Variants in XKR9 observed in about 807,000 individuals in gnomAD.
XKR9 encodes the protein XK-related protein 9.
XKR9 carries 32 observed loss-of-function variants against 32.0 expected under a neutral mutation model. The observed-to-expected ratio is 1.00, with a 90% confidence interval of 0.76 to 1.34. The LOEUF (loss-of-function observed/expected upper bound fraction) is 1.34. XKR9 is among the 40% of genes most tolerant of loss of function. The probability of loss-of-function intolerance (pLI) is 0.00; values close to 1 mark genes in which losing one functional copy is unlikely to be tolerated. For synonymous variants in XKR9, 168 were observed against 143.4 expected, an observed-to-expected ratio of 1.17 and a Z score of -1.22; for missense variants, 546 against 429.7, an observed-to-expected ratio of 1.27 and a Z score of -2.39.
the XKR9 span, among the ~76,000 whole-genome samples, chr8:70,802,372 A>G: frequency 3.1e-3 from 467 of 152,228 alleles, 3 homozygotes; most frequent in African/African-American, 0.011. Flanking sequence ...TATAAGTGTC[A>G]CTGCATGTGG....
intron 2 of XKR9, among the ~76,000 whole-genome samples, chr8:70,788,530 TG>T (rs112197088): frequency 0.32 from 48,342 of 151,924 alleles, 9,034 homozygotes; most frequent in Non-Finnish European, 0.43. Flanking sequence ...CCAGCGCAGA[TG>T]TTCATAAATT....
the XKR9 span, among the ~76,000 whole-genome samples, chr8:70,957,100 G>A: frequency 2.0e-5 from 3 of 152,196 alleles, no homozygotes; most frequent in Non-Finnish European, 2.9e-5. Context: ...CAGTTCCTTC[G>A]GCAATATTTA....
At chr8:70,918,653 A>C in the XKR9 span, among the ~76,000 whole-genome samples, 2 of 151,738 alleles carry the variant, frequency 1.3e-5, no homozygotes, top group Non-Finnish European at 2.9e-5. Context: ...AGATCATGCC[A>C]CTGCACTCCA....
chr8:70,906,517 G>A, the XKR9 span, among the ~76,000 whole-genome samples: 1,691 of 152,286 alleles, frequency 0.011, 29 homozygotes, highest in African/African-American at 0.037. Flanking sequence ...TGTGGTTGCC[G>A]AGGCTGGGCT....
chr8:71,056,125 G>A, the XKR9 span, among the ~76,000 whole-genome samples: 1 of 152,182 alleles, frequency 6.6e-6, no homozygotes, highest in Non-Finnish European at 1.5e-5. Context: ...TATGGAAGTA[G>A]AGCCCCTTAG....
chr8:70,846,617 CTA>C, the XKR9 span, among the ~76,000 whole-genome samples: 1 of 151,950 alleles, frequency 6.6e-6, no homozygotes, highest in Non-Finnish European at 1.5e-5. Flanking sequence ...CATGACCTGA[CTA>C]TATGATGCCT....
chr8:70,898,645 G>C, the XKR9 span, among the ~76,000 whole-genome samples: 1 of 152,076 alleles, frequency 6.6e-6, no homozygotes. Context: ...ATATATTTCT[G>C]TTATTAATAT....
the XKR9 span, among the ~76,000 whole-genome samples, chr8:70,988,822 C>G: frequency 1.2e-4 from 19 of 152,260 alleles, no homozygotes; most frequent in South Asian, 2.1e-3. Context: ...ATGAATCCCT[C>G]CTCATCCCTC....
chr8:70,900,010 G>A, the XKR9 span, among the ~76,000 whole-genome samples: 1 of 152,004 alleles, frequency 6.6e-6, no homozygotes, highest in Non-Finnish European at 1.5e-5. Flanking sequence ...TATGAACAGT[G>A]CCTGAGAATG....
the XKR9 span, among the ~76,000 whole-genome samples, chr8:71,018,234 A>G: frequency 6.6e-6 from 1 of 152,230 alleles, no homozygotes; most frequent in Non-Finnish European, 1.5e-5. Context: ...ATACAAAAAT[A>G]GAAGCTGAAG....
the XKR9 span, among the ~76,000 whole-genome samples, chr8:70,898,488 G>A: frequency 3.3e-5 from 5 of 152,118 alleles, no homozygotes; most frequent in Non-Finnish European, 7.4e-5. Context: ...GGGTTGTATA[G>A]AGTTTTACCC....
At chr8:70,999,359 G>A in the XKR9 span, among the ~76,000 whole-genome samples, 6 of 152,176 alleles carry the variant, frequency 3.9e-5, no homozygotes, top group African/African-American at 1.4e-4. Flanking sequence ...ACCATATCAT[G>A]AGATCTGAAT....
chr8:70,853,956 T>G, the XKR9 span, among the ~76,000 whole-genome samples: 2 of 152,194 alleles, frequency 1.3e-5, no homozygotes, highest in Non-Finnish European at 2.9e-5. Flanking sequence ...GTTCCAAGTC[T>G]TTGCTATTGT....
intron 2 of XKR9, among the ~76,000 whole-genome samples, chr8:70,757,548 CATGTATGTATGTATGTATGT>C (rs57117853): frequency 2.7e-4 from 41 of 150,344 alleles, no homozygotes; most frequent in East Asian, 2.0e-4. Context: ...CTTCTTTCAT[CATGTATGTATGTATGTATGT>C]ATGTATGTAT....
At chr8:71,038,176 T>G in the XKR9 span, among the ~76,000 whole-genome samples, 4 of 152,206 alleles carry the variant, frequency 2.6e-5, no homozygotes, top group African/African-American at 9.7e-5. Context: ...CAGGACAGAA[T>G]ATACTGTAAA....
chr8:70,921,973 A>G, the XKR9 span, among the ~76,000 whole-genome samples: 1 of 152,206 alleles, frequency 6.6e-6, no homozygotes, highest in Non-Finnish European at 1.5e-5. Flanking sequence ...TGGAAAATGA[A>G]GTGACTTTGT....
intron 1 of XKR9, among the ~76,000 whole-genome samples, chr8:70,671,161 C>T (rs1310520493): frequency 6.6e-6 from 1 of 152,188 alleles, no homozygotes; most frequent in Non-Finnish European, 1.5e-5. Flanking sequence ...CTGCTTTGGT[C>T]TCCCAAAGTG....
chr8:70,751,187 G>C (rs1225153993), intron 2 of XKR9, among the ~76,000 whole-genome samples: 1 of 152,170 alleles, frequency 6.6e-6, no homozygotes, highest in Non-Finnish European at 1.5e-5. Context: ...GGAGTGCAGT[G>C]GCGCGATTCG....
the XKR9 span, among the ~76,000 whole-genome samples, chr8:70,873,329 T>C: frequency 6.6e-6 from 1 of 152,204 alleles, no homozygotes; most frequent in Non-Finnish European, 1.5e-5. Flanking sequence ...GTAATACATT[T>C]AATAAGGCTA....
Sources: gnomAD v4.1 joint callset for allele counts (sites outside exome capture counted in the v4.1 genomes callset) on GRCh38, gnomAD v4.1.1 for gene constraint, MANE v1.5 for transcripts, NCBI Gene and HGNC (gene_info 2026-07-23, HGNC 2026-07-21) for gene names.